The following TBC1D5 variants were observed in gnomAD, a reference collection of about 807,000 sequenced individuals.
TBC1D5 encodes TBC1 domain family member 5, also known as TBC1 domain family, member 5.
In TBC1D5, 75 loss-of-function variants were observed where a neutral mutation model predicts 100.3. That is an observed-to-expected ratio of 0.75 (90% CI 0.62 to 0.91). The LOEUF is 0.91. TBC1D5 is among the 40% of genes least tolerant of loss of function. TBC1D5 has a pLI of 0.00. For missense variants in TBC1D5, 910 were observed against 942.4 expected, an observed-to-expected ratio of 0.97 and a Z score of 0.45; for synonymous variants, 323 against 325.6, an observed-to-expected ratio of 0.99 and a Z score of 0.09.
chr3:17,366,802 G>A (rs1387686415), intron 13 of TBC1D5, among the ~76,000 whole-genome samples: 1 of 151,974 alleles, frequency 6.6e-6, no homozygotes, highest in Non-Finnish European at 1.5e-5. Flanking sequence ...TGATATGTTA[G>A]AAACAATATA....
intron 2 of TBC1D5, among the ~76,000 whole-genome samples, chr3:17,527,248 A>C (rs2153360689): frequency 6.6e-6 from 1 of 152,286 alleles, no homozygotes; most frequent in African/African-American, 2.4e-5. Flanking sequence ...AGTCTTAGGA[A>C]GCACCTCTGA....
chr3:17,536,864 GA>G (rs1470267089), intron 2 of TBC1D5, among the ~76,000 whole-genome samples: 1 of 152,156 alleles, frequency 6.6e-6, no homozygotes, highest in Non-Finnish European at 1.5e-5. Flanking sequence ...GTCATAGAAA[GA>G]AATGTTTGAG....
intron 1 of TBC1D5, among the ~76,000 whole-genome samples, chr3:17,678,096 A>G (rs1421440037): frequency 6.6e-6 from 1 of 152,226 alleles, no homozygotes; most frequent in Non-Finnish European, 1.5e-5. Flanking sequence ...ATATGTAACA[A>G]ACCTGCACGT....
At chr3:17,381,119 A>G (rs1385421548) in intron 9 of TBC1D5, among the ~76,000 whole-genome samples, 1 of 152,104 alleles carries the variant, frequency 6.6e-6, no homozygotes, top group African/African-American at 2.4e-5. Flanking sequence ...AGTTAATAAT[A>G]GTTTCTAATT....
intron 14 of TBC1D5, among the ~76,000 whole-genome samples, chr3:17,300,271 A>G (rs2082694318): frequency 6.6e-6 from 1 of 152,240 alleles, no homozygotes. Flanking sequence ...TCCTTCAAAA[A>G]TAAGACTATC....
rs376812337 is a variant in TBC1D5, at chr3:17,649,936, A to G, written c.-100-26023T>C. ...AGACTGAATAAAGAAAATGTGGCCC[A>G]TATACACCATGGAATACTATGCAGC... On this transcript the variant is annotated intron_variant, in intron 1 of 21. Coordinates refer to ENST00000253692, the Ensembl canonical transcript of TBC1D5. Among the ~76,000 whole-genome samples, 272 of 152,316 alleles carry G rather than the reference A, an allele frequency of 1.8e-3. 1 individual carries two copies. The highest frequency in any genetic ancestry group is 6.2e-3 in the African/African-American group (256 of 41,568).
chr3:17,546,382 T>C (rs1347813688), intron 2 of TBC1D5, among the ~76,000 whole-genome samples: 1 of 152,232 alleles, frequency 6.6e-6, no homozygotes, highest in Non-Finnish European at 1.5e-5. Flanking sequence ...ATTTTAACTT[T>C]GAATTTCTTA....
In TBC1D5 at chr3:17,348,972, C is replaced by T. The variant is rs1414931893; in HGVS notation, c.995+23103G>A. On this transcript the variant is annotated intron_variant, in intron 13 of 21. Transcript: ENST00000253692. ...AATTTAACTACAAATTCTATCATTA[C>T]CTTGCAAAACGGGTAGAGAAAAAGG... 2.0e-5 allele frequency among the ~76,000 whole-genome samples: 3 copies of T among 152,094 alleles called. No individual in the cohort carries two copies. The East Asian group carries it at 5.8e-4, about 29-fold the overall frequency.
At chr3:17,734,473 A>G (rs1352959847) in intron 1 of TBC1D5, among the ~76,000 whole-genome samples, 1 of 152,240 alleles carries the variant, frequency 6.6e-6, no homozygotes, top group Admixed American at 6.5e-5. Flanking sequence ...ATGTTCTAGA[A>G]TAACTGCAAA....
intron 18 of TBC1D5, among the ~76,000 whole-genome samples, chr3:17,192,447 T>C (rs1482771603): frequency 6.6e-6 from 1 of 152,160 alleles, no homozygotes; most frequent in Admixed American, 6.5e-5. Flanking sequence ...GTAAAGGGCT[T>C]CCTTCTATAT....
chr3:17,217,594 T>C (rs896979046), intron 17 of TBC1D5, among the ~76,000 whole-genome samples: 14 of 152,152 alleles, frequency 9.2e-5, no homozygotes, highest in Admixed American at 2.6e-4. Context: ...TATTTCATTG[T>C]GATTTTGATT....
intron 2 of TBC1D5, among the ~76,000 whole-genome samples, chr3:17,533,013 C>T (rs2096247167): frequency 6.6e-6 from 1 of 151,256 alleles, no homozygotes; most frequent in Non-Finnish European, 1.5e-5. Context: ...AATTTGATCA[C>T]ACCACTGCAC....
chr3:17,633,466 A>G (rs539056732), intron 1 of TBC1D5, among the ~76,000 whole-genome samples: 1 of 152,242 alleles, frequency 6.6e-6, no homozygotes, highest in East Asian at 1.9e-4. Context: ...TATTCACCCT[A>G]ATTTAGGTCA....
chr3:17,172,723 G>C (rs6764587), intron 19 of TBC1D5, among the ~76,000 whole-genome samples: 3 of 152,152 alleles, frequency 2.0e-5, no homozygotes, highest in Non-Finnish European at 4.4e-5. Flanking sequence ...AATAGATCTC[G>C]AACTCTCAGG....
intron 2 of TBC1D5, among the ~76,000 whole-genome samples, chr3:17,580,356 C>T (rs1484743911): frequency 6.6e-6 from 1 of 151,892 alleles, no homozygotes; most frequent in Non-Finnish European, 1.5e-5. Context: ...AAGAAAAAAA[C>T]CACAAAGGAG....
intron 8 of TBC1D5, among the ~76,000 whole-genome samples, chr3:17,400,523 A>G (rs2093619093): frequency 6.6e-6 from 1 of 152,142 alleles, no homozygotes; most frequent in Admixed American, 6.6e-5. Context: ...GAGCCATGGG[A>G]GAGTCTTCAA....
At chr3:17,591,265 A>AAAAAAAAAAAC (rs2096769423) in intron 2 of TBC1D5, among the ~76,000 whole-genome samples, 6 of 109,196 alleles carry the variant, frequency 5.5e-5, no homozygotes, top group South Asian at 2.6e-4. Context: ...AAAAAAAAAA[A>AAAAAAAAAAAC]ACAAAAACCC....
chr3:17,521,666 A>G (rs528519111), intron 2 of TBC1D5, among the ~76,000 whole-genome samples: 2 of 152,004 alleles, frequency 1.3e-5, no homozygotes, highest in South Asian at 2.1e-4. Flanking sequence ...TTGGGGGGGG[A>G]AATCCAAAGA....
At chr3:17,322,632 G>A (rs920882641) in intron 13 of TBC1D5, among the ~76,000 whole-genome samples, 1 of 152,172 alleles carries the variant, frequency 6.6e-6, no homozygotes, top group African/African-American at 2.4e-5. Flanking sequence ...TCAAGGCCGA[G>A]GAAAGTGTGC....
Sources: allele counts gnomAD v4.1 joint callset (sites outside exome capture counted in the v4.1 genomes callset), GRCh38; gene constraint gnomAD v4.1.1; transcripts MANE v1.5; gene names NCBI Gene and HGNC (gene_info 2026-07-23, HGNC 2026-07-21).